Variants in SYNDIG1L observed in about 807,000 individuals in gnomAD.
SYNDIG1L encodes synapse differentiation inducing 1 like.
Under a neutral mutation model 20.1 loss-of-function variants are expected in SYNDIG1L, and 13 were observed. The observed-to-expected ratio is 0.65, with a 90% CI of 0.42 to 1.03. SYNDIG1L has a LOEUF of 1.03. SYNDIG1L is among the 50% of genes least tolerant of loss of function. The probability of loss-of-function intolerance (pLI) is 0.00; values close to 1 mark genes in which losing one functional copy is unlikely to be tolerated. For synonymous variants in SYNDIG1L, 128 were observed against 129.3 expected (o/e 0.99, Z 0.07); for missense variants, 294 against 305.1 (o/e 0.96, Z 0.27).
chr14:74,475,718 G>A, the SYNDIG1L span, among the ~76,000 whole-genome samples: 1 of 152,124 alleles, frequency 6.6e-6, no homozygotes, highest in Admixed American at 6.5e-5. Flanking sequence ...CCAAGTGAAA[G>A]TCTCCTGGGC....
chr14:74,435,114 A>T, the SYNDIG1L span, among the ~76,000 whole-genome samples: 2 of 141,060 alleles, frequency 1.4e-5, no homozygotes, highest in African/African-American at 2.6e-5. Context: ...AAAAAAATCT[A>T]GGGGAAGACT....
chr14:74,473,202 A>G, the SYNDIG1L span, among the ~76,000 whole-genome samples: 1 of 152,008 alleles, frequency 6.6e-6, no homozygotes, highest in Non-Finnish European at 1.5e-5. Context: ...CCTGGCCAAT[A>G]TAGTGATACC....
the SYNDIG1L span, among the ~76,000 whole-genome samples, chr14:74,434,976 G>A: frequency 2.3e-4 from 34 of 150,422 alleles, no homozygotes; most frequent in African/African-American, 7.1e-4. Context: ...CCAGCTGCTC[G>A]GGAGGCGGAG....
At chr14:74,460,251 T>A in the SYNDIG1L span, among the ~76,000 whole-genome samples, 1 of 152,170 alleles carries the variant, frequency 6.6e-6, no homozygotes, top group South Asian at 2.1e-4. Context: ...CTCTACACTC[T>A]GTTCTTCTTG....
chr14:74,434,658 T>TGAGAGA, the SYNDIG1L span, among the ~76,000 whole-genome samples: 1 of 150,166 alleles, frequency 6.7e-6, no homozygotes, highest in African/African-American at 2.4e-5. Context: ...AGGGCAGATA[T>TGAGAGA]GAGAGAGAGA....
the SYNDIG1L span, among the ~76,000 whole-genome samples, chr14:74,437,947 T>C: frequency 1.3e-5 from 2 of 152,210 alleles, no homozygotes; most frequent in African/African-American, 2.4e-5. Context: ...CGATGAATGA[T>C]AGAAAGAAGC....
At chr14:74,454,705 C>A in the SYNDIG1L span, among the ~76,000 whole-genome samples, 1 of 152,196 alleles carries the variant, frequency 6.6e-6, no homozygotes, top group Non-Finnish European at 1.5e-5. Context: ...TTGCCCTCTG[C>A]CTCAGGGTTA....
chr14:74,449,016 G>C, the SYNDIG1L span, among the ~76,000 whole-genome samples: 61,491 of 151,884 alleles, frequency 0.4, 12,695 homozygotes, highest in Non-Finnish European at 0.45. Context: ...AGGATCACTT[G>C]AGGCCAGGAG....
At chr14:74,469,943 C>A in the SYNDIG1L span, among the ~76,000 whole-genome samples, 1 of 152,122 alleles carries the variant, frequency 6.6e-6, no homozygotes, top group South Asian at 2.1e-4. Flanking sequence ...AAGACAGTCC[C>A]GGAATGCCAA....
chr14:74,429,315 C>T (rs2086287471), upstream of SYNDIG1L, among the ~76,000 whole-genome samples: 2 of 152,230 alleles, frequency 1.3e-5, no homozygotes, highest in Admixed American at 1.3e-4. Flanking sequence ...CTCTGACATT[C>T]CTTAAGTGAA....
intron 1 of SYNDIG1L, 126 bp from the exon 2 acceptor site, chr14:74,409,927 C>T: frequency 2.8e-6 from 2 of 710,210 alleles, no homozygotes; most frequent in Non-Finnish European, 2.0e-6. Flanking sequence ...TTGCAAGATG[C>T]AGGACCTGGA....
chr14:74,418,804 C>T (rs1377063641), intron 1 of SYNDIG1L, among the ~76,000 whole-genome samples: 1 of 152,202 alleles, frequency 6.6e-6, no homozygotes, highest in African/African-American at 2.4e-5. Context: ...CCAGCCTCCT[C>T]ATCATCCCCA....
chr14:74,427,707 A>G (rs775407105), upstream of SYNDIG1L, among the ~76,000 whole-genome samples: 2 of 152,168 alleles, frequency 1.3e-5, no homozygotes, highest in Non-Finnish European at 2.9e-5. Flanking sequence ...TCTCAGGCCC[A>G]TACTTCATCT....
the SYNDIG1L span, among the ~76,000 whole-genome samples, chr14:74,436,038 C>T: frequency 6.6e-6 from 1 of 152,120 alleles, no homozygotes; most frequent in Non-Finnish European, 1.5e-5. Context: ...TTACTATACA[C>T]AGAAAACAGG....
At chr14:74,474,470 CG>C in the SYNDIG1L span, 5 of 152,220 alleles carry the variant, frequency 3.3e-5, no homozygotes, top group African/African-American at 9.7e-5. Flanking sequence ...TTGCATAAGC[CG>C]GGTCTGCTTT....
chr14:74,449,428 C>A, the SYNDIG1L span, among the ~76,000 whole-genome samples: 3 of 63,396 alleles, frequency 4.7e-5, no homozygotes, highest in Admixed American at 6.1e-4. Context: ...ATAGCAAAAT[C>A]CTGTCTTTAC....
the SYNDIG1L span, among the ~76,000 whole-genome samples, chr14:74,431,536 G>GT: frequency 6.6e-6 from 1 of 152,106 alleles, no homozygotes; most frequent in Non-Finnish European, 1.5e-5. Context: ...CAATAAGTTT[G>GT]TTTTTAATAA....
the SYNDIG1L span, among the ~76,000 whole-genome samples, chr14:74,439,656 G>A: frequency 2.6e-5 from 4 of 151,592 alleles, no homozygotes; most frequent in Non-Finnish European, 4.4e-5. Context: ...CGAGGCAGGC[G>A]GATCACCTGA....
the SYNDIG1L span, among the ~76,000 whole-genome samples, chr14:74,432,167 G>GTA: frequency 6.9e-5 from 10 of 143,894 alleles, no homozygotes; most frequent in Middle Eastern, 3.5e-3. Flanking sequence ...GTGTGTGTGT[G>GTA]TGTGTGTGTG....
Sources: gnomAD v4.1 joint callset for allele counts (sites outside exome capture counted in the v4.1 genomes callset) on GRCh38, gnomAD v4.1.1 for gene constraint, MANE v1.5 for transcripts, NCBI Gene and HGNC (gene_info 2026-07-23, HGNC 2026-07-21) for gene names.